The following GRIP2 variants were observed in gnomAD, a reference collection of about 807,000 sequenced individuals.
GRIP2 encodes glutamate receptor interacting protein 2, also known as glutamate receptor-interacting protein 2.
A neutral mutation model predicts 108.3 loss-of-function variants in GRIP2; 58 were observed. That is an observed-to-expected ratio of 0.54 (90% confidence interval 0.43 to 0.67). The LOEUF (loss-of-function observed/expected upper bound fraction) is 0.67. Ranked by LOEUF, GRIP2 falls within the 30% of genes least tolerant of loss-of-function variation. The pLI is 0.00. For missense variants in GRIP2, 1,278 were observed against 1,430.6 expected (o/e 0.89, Z 1.72); for synonymous variants, 586 against 598.2 (o/e 0.98, Z 0.30).
chr3:14,499,562 GA>G lies in GRIP2; in HGVS notation c.2680-3003del, dbSNP rs371586747. Among the ~76,000 whole-genome samples the G allele has an allele frequency of 1.6e-3, 212 of 136,488 alleles. 4 individuals carry two copies. In the South Asian group the frequency reaches 0.017, roughly 11 times the overall value. The allele number at this position is 136,488 out of a possible 152,430, so 89.5% of individuals were successfully genotyped here. A position where few individuals can be genotyped will look rare whatever the true frequency, so the allele number is the denominator to read the frequency against. ...GAAACCCTGTCTCTACCAAAAAAAA[GA>G]AAAAAAAAAATTAACCAAGCGTGGT... On this transcript the variant is annotated intron_variant, in intron 21 of 23. Transcript: ENST00000621039.
intron 1 of GRIP2, among the ~76,000 whole-genome samples, chr3:14,552,917 G>A (rs553016105): frequency 1.3e-5 from 2 of 151,806 alleles, no homozygotes; most frequent in South Asian, 2.1e-4. Flanking sequence ...TCTAATACTC[G>A]AAGCAGTCCT....
chr3:14,586,727 G>A, the GRIP2 span, among the ~76,000 whole-genome samples: 1 of 152,218 alleles, frequency 6.6e-6, no homozygotes, highest in African/African-American at 2.4e-5. Flanking sequence ...ACTGATGGCA[G>A]CCCCAGGAAA....
chr3:14,517,150 C>T lies in GRIP2; in HGVS notation c.1220G>A (p.Ser407Asn). 6.2e-7 allele frequency: 1 copy of T among 1,609,702 alleles called. No homozygotes were observed. The highest frequency in any genetic ancestry group is 1.7e-5 in the Admixed American group (1 of 59,128). ...GGGCTGGGATCCACGGGGAAGGGTG[C>T]TGGGGTTGTTGCAGGAAAAGGCGTG... The part of the protein sequence containing the change: ...LNHAFSCNNP[S>N]TLPRGSQPMS... Residue 407 changes from serine (S) to asparagine (N), a missense_variant, in exon 11 of 24, where the codon AGC (serine) becomes AAC (asparagine). Physicochemically the swap from Ser to Asn is conservative, Grantham distance 46 (BLOSUM62 1). Transcript: ENST00000621039.
chr3:14,547,531 G>A (rs1312237763), intron 1 of GRIP2, among the ~76,000 whole-genome samples: 1 of 152,220 alleles, frequency 6.6e-6, no homozygotes, highest in Non-Finnish European at 1.5e-5. Flanking sequence ...GCCTCAAATG[G>A]CATGTTAGAA....
the GRIP2 span, among the ~76,000 whole-genome samples, chr3:14,574,952 C>T: frequency 1.3e-5 from 2 of 152,324 alleles, no homozygotes; most frequent in African/African-American, 2.4e-5. Flanking sequence ...TGAAAACAAA[C>T]TTCCCTGTGC....
intron 20 of GRIP2, among the ~76,000 whole-genome samples, chr3:14,504,702 G>C (rs957430021): frequency 6.6e-6 from 1 of 152,138 alleles, no homozygotes; most frequent in Non-Finnish European, 1.5e-5. Context: ...CCATGTAACA[G>C]ATGAAAAGAC....
chr3:14,584,728 C>G, the GRIP2 span, among the ~76,000 whole-genome samples: 1 of 152,154 alleles, frequency 6.6e-6, no homozygotes. Context: ...CCCTAGAACA[C>G]CTGCCTCTCA....
At chr3:14,514,983 A>G (rs571599216) in intron 11 of GRIP2, among the ~76,000 whole-genome samples, 1 of 152,346 alleles carries the variant, frequency 6.6e-6, no homozygotes, top group South Asian at 2.1e-4. Context: ...TGTTCCCTTC[A>G]GCCATCCCCA....
chr3:14,517,713 G>A, intron 10 of GRIP2, 59 bp downstream of exon 10: 6 of 1,588,368 alleles, frequency 3.8e-6, no homozygotes, highest in East Asian at 2.3e-5. Flanking sequence ...AACAGGCATC[G>A]CCCCCTCCCT....
chr3:14,566,003 CAG>C, the GRIP2 span, among the ~76,000 whole-genome samples: 7 of 152,356 alleles, frequency 4.6e-5, no homozygotes, highest in Non-Finnish European at 1.0e-4. Flanking sequence ...GGTCACAGCA[CAG>C]AGGCTTCTAG....
chr3:14,516,951 A>G, intron 11 of GRIP2, 113 bp downstream of exon 11: 1 of 1,021,312 alleles, frequency 9.8e-7, no homozygotes, highest in Non-Finnish European at 1.3e-6. Flanking sequence ...TCCCACGCAT[A>G]CACCTGGAGC....
intron 1 of GRIP2, among the ~76,000 whole-genome samples, chr3:14,554,040 G>C (rs1186924360): frequency 6.6e-6 from 1 of 152,128 alleles, no homozygotes; most frequent in Non-Finnish European, 1.5e-5. Flanking sequence ...GTGTGTGCAT[G>C]GGGAGAGGAA....
the GRIP2 span, among the ~76,000 whole-genome samples, chr3:14,583,973 A>G: frequency 3.9e-5 from 6 of 152,176 alleles, no homozygotes. Context: ...GAATTTTTCC[A>G]AGAGGAAATG....
At chr3:14,566,023 T>C in the GRIP2 span, among the ~76,000 whole-genome samples, 4 of 152,172 alleles carry the variant, frequency 2.6e-5, no homozygotes, top group Non-Finnish European at 4.4e-5. Context: ...TAGCCTCAGA[T>C]GAAGAAAGGG....
upstream of GRIP2, among the ~76,000 whole-genome samples, chr3:14,558,545 T>C (rs969317709): frequency 6.6e-6 from 1 of 151,970 alleles, no homozygotes; most frequent in African/African-American, 2.4e-5. Flanking sequence ...AAGTAATAAA[T>C]AAATAAGGAG....
intron 1 of GRIP2, among the ~76,000 whole-genome samples, chr3:14,555,258 G>A (rs1295276032): frequency 6.6e-6 from 1 of 151,740 alleles, no homozygotes; most frequent in African/African-American, 2.4e-5. Flanking sequence ...ACAGCCCCTC[G>A]CTCCCTCCCA....
At position 14,514,381 on chromosome 3, in the gene GRIP2, G is replaced by A. The variant is rs748918533; in HGVS notation, c.1404C>T (p.Gly468=). The A allele has an allele frequency of 1.7e-5, 27 of 1,575,094 alleles. No individual in the cohort carries two copies. Among genetic ancestry groups the A allele is most frequent in the Non-Finnish European group, 2.2e-5 (25 of 1,161,532 alleles). Reference sequence around the variant, plus strand: ...CGAAGATGCCGCCCTGGAGCTGGAGGCCAAAGCCGCTGAGGGGGTCTCCAC... The same window carrying A: ...CGAAGATGCCGCCCTGGAGCTGGAGACCAAAGCCGCTGAGGGGGTCTCCAC... ...VLCGDPLSGF[G]LQLQGGIFAT... The change falls in exon 12 of 24, where the codon GGC becomes GGT. Residue 468 remains glycine, a synonymous_variant. Transcript: ENST00000621039.
chr3:14,574,428 T>C, the GRIP2 span: 10 of 722,228 alleles, frequency 1.4e-5, 1 homozygote, highest in South Asian at 1.5e-4. Flanking sequence ...GGCTGCGGTG[T>C]CTTCCCGCTT....
chr3:14,551,581 A>C (rs560008171), intron 1 of GRIP2, among the ~76,000 whole-genome samples: 2 of 152,194 alleles, frequency 1.3e-5, no homozygotes, highest in African/African-American at 4.8e-5. Context: ...ACTTGTGGAG[A>C]GGCATCGCTG....
Sources: gnomAD v4.1 joint callset for allele counts (sites outside exome capture counted in the v4.1 genomes callset) on GRCh38, gnomAD v4.1.1 for gene constraint, MANE v1.5 for transcripts, NCBI Gene and HGNC (gene_info 2026-07-23, HGNC 2026-07-21) for gene names.